VWA8: variants seen among roughly 807,000 people sequenced by gnomAD.
The protein encoded by VWA8 is von Willebrand factor A domain-containing protein 8.
In VWA8, 221 loss-of-function variants were observed where a neutral mutation model predicts 241.5. The observed-to-expected ratio is 0.91, with a 90% CI of 0.82 to 1.02. The LOEUF is 1.02. Among genes scored for constraint, VWA8 ranks in the 50% least tolerant of loss-of-function variants. VWA8 has a pLI of 0.00. For missense variants in VWA8, 2,322 were observed against 2,328.7 expected (o/e 1.00, Z 0.06); for synonymous variants, 852 against 827.1 (o/e 1.03, Z -0.52).
At chr13:41,693,866 GT>G (rs2045195627) in intron 29 of VWA8, among the ~76,000 whole-genome samples, 1 of 151,966 alleles carries the variant, frequency 6.6e-6, no homozygotes, top group Admixed American at 6.6e-5. Flanking sequence ...GTACCTGCAA[GT>G]TATTTGTCAG....
intron 20 of VWA8, among the ~76,000 whole-genome samples, chr13:41,768,401 T>C (rs898058639): frequency 1.3e-5 from 2 of 152,228 alleles, no homozygotes; most frequent in Non-Finnish European, 2.9e-5. Flanking sequence ...TATTAAATAA[T>C]TCAACATTTA....
intron 26 of VWA8, among the ~76,000 whole-genome samples, chr13:41,715,202 T>C (rs1351208227): frequency 3.3e-5 from 5 of 151,986 alleles, no homozygotes; most frequent in African/African-American, 1.2e-4. Flanking sequence ...CGTAGTTATC[T>C]ATAAATGTTT....
intron 5 of VWA8, among the ~76,000 whole-genome samples, chr13:41,888,810 T>G (rs1305821881): frequency 6.6e-6 from 1 of 152,212 alleles, no homozygotes; most frequent in African/African-American, 2.4e-5. Flanking sequence ...TTGCATGAAC[T>G]AATTTTAAAA....
At chr13:41,601,154 C>T (rs1173916051) in intron 40 of VWA8, among the ~76,000 whole-genome samples, 1 of 152,054 alleles carries the variant, frequency 6.6e-6, no homozygotes, top group Non-Finnish European at 1.5e-5. Flanking sequence ...GCTCATGTAC[C>T]CTTACCTTCA....
chr13:41,571,855 G>A (rs1308840919), intron 43 of VWA8, among the ~76,000 whole-genome samples: 1 of 151,932 alleles, frequency 6.6e-6, no homozygotes, highest in Non-Finnish European at 1.5e-5. Flanking sequence ...CCCAGTCTGG[G>A]AAGTGAGGGG....
chr13:41,805,443 G>T (rs1593783751), intron 17 of VWA8, among the ~76,000 whole-genome samples: 1 of 152,172 alleles, frequency 6.6e-6, no homozygotes, highest in African/African-American at 2.4e-5. Flanking sequence ...GAGCAAAAGA[G>T]AGAGATAAAC....
chr13:41,907,490 T>C, intron 4 of VWA8, 96 bp downstream of exon 4: 1 of 1,044,908 alleles, frequency 9.6e-7, no homozygotes, highest in South Asian at 1.4e-5. Context: ...ACAACTACCT[T>C]TTACTGTTAT....
At chr13:41,630,871 T>A (rs2139674284) in intron 37 of VWA8, among the ~76,000 whole-genome samples, 1 of 152,048 alleles carries the variant, frequency 6.6e-6, no homozygotes, top group Admixed American at 6.5e-5. Context: ...AGCATGGGAG[T>A]CTGCTCAGTA....
chr13:41,865,922 T>C lies in VWA8; in HGVS notation c.1327A>G (p.Ile443Val), dbSNP rs139296787. Residue 443 changes from isoleucine to valine, a missense_variant, in exon 11 of 45, where the codon ATA becomes GTA. Transcript: ENST00000379310. ...CTTACCTTTCCTCCAATTAAACATA[T>C]ATCTTTAACCATGTGAGACTGCATC... ...EMMQSHMVKD[I>V]CLIGGKGCGK... The C allele has an allele frequency of 6.8e-6, 11 of 1,614,128 alleles. No individual in the cohort carries two copies. In the South Asian group the frequency reaches 1.1e-4, roughly 16 times the overall value.
At position 41,680,590 on chromosome 13, in the gene VWA8, C is replaced by T. The variant is rs55751149; in HGVS notation, c.4327+4457G>A. Among the ~76,000 whole-genome samples, 735 of 152,220 alleles carry T rather than the reference C, an allele frequency of 4.8e-3. 3 individuals are homozygous for T. The highest frequency in any genetic ancestry group is 0.015 in the South Asian group (72 of 4,820). ...AGGCAGTTCTTGGAAGAGCAAATGG[C>T]AACATATGAAAGGATGCTCAAATGT... On this transcript the variant is annotated intron_variant, in intron 35 of 44. Transcript: ENST00000379310.
intron 8 of VWA8, among the ~76,000 whole-genome samples, chr13:41,884,644 G>C (rs564067009): frequency 2.0e-5 from 3 of 151,526 alleles, no homozygotes; most frequent in African/African-American, 7.2e-5. Flanking sequence ...GGTGATTGTA[G>C]GTGAGGGGAT....
At chr13:41,732,380 T>C (rs949757487) in intron 21 of VWA8, among the ~76,000 whole-genome samples, 1 of 152,124 alleles carries the variant, frequency 6.6e-6, no homozygotes, top group Non-Finnish European at 1.5e-5. Context: ...TCCAGACTTA[T>C]AGATTATCCA....
chr13:41,865,241 T>A (rs550590612), intron 12 of VWA8: 5 of 334,032 alleles, frequency 1.5e-5, no homozygotes, highest in South Asian at 1.2e-4. Context: ...TTTGATACAT[T>A]CATATAATGT....
At chr13:41,861,511 T>C (rs116955680) in intron 12 of VWA8, among the ~76,000 whole-genome samples, 1 of 152,272 alleles carries the variant, frequency 6.6e-6, no homozygotes, top group East Asian at 1.9e-4. Flanking sequence ...CAAGCTATCT[T>C]TCTTCACAGA....
intron 13 of VWA8, 76 bp downstream of exon 13, chr13:41,833,295 T>C: frequency 7.0e-7 from 1 of 1,421,118 alleles, no homozygotes; most frequent in Non-Finnish European, 9.4e-7. Context: ...AGAAAAAGAA[T>C]GAGATAGTTC....
At chr13:41,603,501 T>C (rs922421621) in intron 40 of VWA8, among the ~76,000 whole-genome samples, 1 of 152,188 alleles carries the variant, frequency 6.6e-6, no homozygotes, top group Non-Finnish European at 1.5e-5. Flanking sequence ...CATCAACTAA[T>C]ACCAGATGAG....
intron 9 of VWA8, among the ~76,000 whole-genome samples, chr13:41,882,741 C>T (rs926764283): frequency 3.9e-5 from 6 of 151,994 alleles, no homozygotes; most frequent in African/African-American, 9.7e-5. Flanking sequence ...TGCAGTGAGC[C>T]GAGATGGCAG....
chr13:41,715,263 T>C (rs999418744), intron 26 of VWA8, among the ~76,000 whole-genome samples: 2 of 151,526 alleles, frequency 1.3e-5, no homozygotes, highest in Non-Finnish European at 2.9e-5. Context: ...ACCATTATTA[T>C]GAAATATAAT....
At chr13:41,654,830 C>T (rs1274553437) in intron 37 of VWA8, among the ~76,000 whole-genome samples, 1 of 152,076 alleles carries the variant, frequency 6.6e-6, no homozygotes, top group Non-Finnish European at 1.5e-5. Flanking sequence ...GCCTATAAGT[C>T]TTCAAAAATG....
Sources: allele counts gnomAD v4.1 joint callset (sites outside exome capture counted in the v4.1 genomes callset), GRCh38; gene constraint gnomAD v4.1.1; transcripts MANE v1.5; gene names NCBI Gene and HGNC (gene_info 2026-07-23, HGNC 2026-07-21).